The following MBTD1 variants were observed in gnomAD, a reference collection of about 807,000 sequenced individuals.
MBTD1 encodes MBT domain-containing protein 1.
Under a neutral mutation model 87.8 loss-of-function variants are expected in MBTD1, and 24 were observed. The observed-to-expected ratio is 0.27, with a 90% confidence interval of 0.20 to 0.38. The LOEUF (loss-of-function observed/expected upper bound fraction) is 0.38, where lower values mean the gene tolerates loss of function less well. MBTD1 is among the 10% of genes least tolerant of loss of function. The pLI is 1.00. For synonymous variants in MBTD1, 237 were observed against 248.6 expected, an observed-to-expected ratio of 0.95 and a Z score of 0.44; for missense variants, 436 against 760.2, an observed-to-expected ratio of 0.57 and a Z score of 5.02.
At chr17:51,249,654 A>G (rs1375049413) in intron 2 of MBTD1, 1 of 152,134 alleles carries the variant, frequency 6.6e-6, no homozygotes, top group Non-Finnish European at 1.5e-5. Flanking sequence ...TTTTATCATT[A>G]GGGTATGCAT....
chr17:51,218,195 T>C (rs1411810090), intron 5 of MBTD1, among the ~76,000 whole-genome samples: 1 of 152,054 alleles, frequency 6.6e-6, no homozygotes, highest in African/African-American at 2.4e-5. Flanking sequence ...CTCTCCTCAT[T>C]ATTTACTCAC....
intron 10 of MBTD1, among the ~76,000 whole-genome samples, 193 bp downstream of exon 10, chr17:51,202,508 C>G (rs1355274651): frequency 1.3e-5 from 2 of 152,072 alleles, no homozygotes; most frequent in Non-Finnish European, 2.9e-5. Flanking sequence ...TTTTGGAGAA[C>G]AAGTGGAAGG....
chr17:51,241,375 A>T (rs2054151699), intron 2 of MBTD1, among the ~76,000 whole-genome samples: 1 of 152,156 alleles, frequency 6.6e-6, no homozygotes, highest in South Asian at 2.1e-4. Flanking sequence ...CTTTAAAGAT[A>T]ATGCAAATAT....
intron 6 of MBTD1, among the ~76,000 whole-genome samples, chr17:51,213,273 C>G (rs868038136): frequency 4.6e-5 from 7 of 152,030 alleles, no homozygotes; most frequent in Admixed American, 1.3e-4. Flanking sequence ...CTCAACTGAT[C>G]CTCCTACCTT....
At position 51,259,887 on chromosome 17, in the gene MBTD1, C is replaced by T; in HGVS notation, c.-165G>A. ...CTCATGGGTAGGGGTTGTCCGTGCT[C>T]CCCGAGCCCGCGGCGCCCCCTCCCC... On this transcript the variant is annotated 5_prime_UTR_variant, in exon 1 of 17. Transcript: ENST00000586178. 8.1e-7 allele frequency: 1 copy of T among 1,231,956 alleles called. No individual in the cohort carries two copies. 76.3% of individuals were successfully genotyped at this position (1,231,956 alleles called of 1,614,324 possible). A position where few individuals can be genotyped will look rare whatever the true frequency, so the allele number is the denominator to read the frequency against.
chr17:51,186,129 T>TCGTCA (rs1555675978), intron 16 of MBTD1: 1 of 152,588 alleles, frequency 6.6e-6, no homozygotes, highest in African/African-American at 2.4e-5. Flanking sequence ...AGTCAACTCT[T>TCGTCA]CGTCACCAGA....
intron 2 of MBTD1, among the ~76,000 whole-genome samples, chr17:51,227,069 C>T (rs554586599): frequency 2.0e-5 from 3 of 152,020 alleles, no homozygotes; most frequent in Admixed American, 1.3e-4. Flanking sequence ...GGTGAAACCC[C>T]GCCTCTACTA....
At chr17:51,232,014 G>A (rs2053577250) in intron 2 of MBTD1, among the ~76,000 whole-genome samples, 1 of 151,430 alleles carries the variant, frequency 6.6e-6, no homozygotes, top group African/African-American at 2.4e-5. Context: ...CCCCTGAAAG[G>A]GTCTGCAACT....
At chr17:51,245,597 G>T (rs1315071959) in intron 2 of MBTD1, among the ~76,000 whole-genome samples, 3 of 151,574 alleles carry the variant, frequency 2.0e-5, no homozygotes, top group Non-Finnish European at 4.4e-5. Flanking sequence ...CTATCTAGTT[G>T]CGCCAACATC....
Position 51,197,887 on chromosome 17 carries a change from CATTCTTTCTGCATTCCTTCTGGA to C in MBTD1, c.1225-2549_1225-2527del, listed in dbSNP as rs547558215. On this transcript the variant is annotated intron_variant, in intron 12 of 16. Transcript: ENST00000586178. ...CAATCAATCTTCTCATCTCTCTGAT[CATTCTTTCTGCATTCCTTCTGGA>C]ATGCTCTTTCACCTCCAACCATCAA... is the stretch of plus-strand genomic sequence containing the variant. Among the ~76,000 whole-genome samples, 3 of 152,300 alleles carry C rather than the reference CATTCTTTCTGCATTCCTTCTGGA, an allele frequency of 2.0e-5. No homozygotes were observed. The South Asian group carries it at 6.2e-4, about 32-fold the overall frequency.
intron 2 of MBTD1, among the ~76,000 whole-genome samples, chr17:51,225,539 T>C (rs1308256855): frequency 6.6e-6 from 1 of 151,064 alleles, no homozygotes; most frequent in Admixed American, 6.6e-5. Flanking sequence ...TTTTTTTTTG[T>C]AGAGATGGGG....
At position 51,179,484 on chromosome 17, in the gene MBTD1, T is replaced by TATATATATATATATATATATTTA. The variant is rs60957699; in HGVS notation, c.*1091_*1092insTAAATATATATATATATATATAT. On this transcript the variant is annotated 3_prime_UTR_variant, in exon 17 of 17. Transcript: ENST00000586178. Reference sequence around the variant, plus strand: ...ATCCTGAATACAATTAAAGACAATTTTATATATATATATATATATATATAT... The same window carrying TATATATATATATATATATATTTA: ...ATCCTGAATACAATTAAAGACAATTTATATATATATATATATATATTTATATATATATATATATATATATATAT... 3 of 35,294 alleles carry TATATATATATATATATATATTTA rather than the reference T, an allele frequency of 8.5e-5. No individual in the cohort carries two copies. The highest frequency in any genetic ancestry group is 1.1e-3 in the South Asian group (1 of 914). The allele number at this position is 35,294 out of a possible 1,614,324, so 2.2% of individuals were successfully genotyped here. A position where few individuals can be genotyped will look rare whatever the true frequency, so the allele number is the denominator to read the frequency against.
At chr17:51,204,421 T>C (rs2051685419) in intron 7 of MBTD1, among the ~76,000 whole-genome samples, 1 of 149,700 alleles carries the variant, frequency 6.7e-6, no homozygotes, top group Non-Finnish European at 1.5e-5. Context: ...TAATTATACA[T>C]ATAACATACA....
At chr17:51,195,171 A>C in intron 13 of MBTD1, 43 bp downstream of exon 13, 10 of 1,572,622 alleles carry the variant, frequency 6.4e-6, no homozygotes, top group Non-Finnish European at 8.7e-6. Flanking sequence ...ATGTAAGAAG[A>C]AAGCAACAAT....
At chr17:51,195,749 T>C (rs1435795267) in intron 12 of MBTD1, among the ~76,000 whole-genome samples, 1 of 152,260 alleles carries the variant, frequency 6.6e-6, no homozygotes, top group Non-Finnish European at 1.5e-5. Context: ...ATTTATCACA[T>C]ACAGAGTTTT....
chr17:51,195,168 A>T, intron 13 of MBTD1, 46 bp downstream of exon 13: 1 of 1,567,018 alleles, frequency 6.4e-7, no homozygotes, highest in Non-Finnish European at 8.7e-7. Context: ...ACCATGTAAG[A>T]AGAAAGCAAC....
At chr17:51,243,835 T>C (rs1598421867) in intron 2 of MBTD1, among the ~76,000 whole-genome samples, 1 of 152,188 alleles carries the variant, frequency 6.6e-6, no homozygotes, top group African/African-American at 2.4e-5. Flanking sequence ...TTTGAAATTA[T>C]TTTTGAAGAA....
chr17:51,220,270 G>A (rs2052810641), intron 4 of MBTD1, 60 bp downstream of exon 4: 1 of 1,473,150 alleles, frequency 6.8e-7, no homozygotes. Context: ...TCAAATGACA[G>A]ATAAATGGCA....
At chr17:51,182,759 T>C (rs2144971170) in intron 16 of MBTD1, among the ~76,000 whole-genome samples, 1 of 152,268 alleles carries the variant, frequency 6.6e-6, no homozygotes, top group Non-Finnish European at 1.5e-5. Context: ...AGGATACACA[T>C]ATATGGGGTG....
Sources: gnomAD v4.1 joint callset for allele counts (sites outside exome capture counted in the v4.1 genomes callset) on GRCh38, gnomAD v4.1.1 for gene constraint, MANE v1.5 for transcripts, NCBI Gene and HGNC (gene_info 2026-07-23, HGNC 2026-07-21) for gene names.